The following ZBTB7C variants were observed in gnomAD, a reference collection of about 807,000 sequenced individuals.
ZBTB7C encodes the protein zinc finger and BTB domain-containing protein 7C.
A neutral mutation model predicts 25.7 loss-of-function variants in ZBTB7C; 8 were observed. The observed-to-expected ratio is 0.31, with a 90% CI of 0.18 to 0.56. ZBTB7C has a LOEUF of 0.56. Ranked by LOEUF, ZBTB7C falls within the 20% of genes least tolerant of loss-of-function variation. The pLI is 0.91. For synonymous variants in ZBTB7C, 394 were observed against 369.0 expected (o/e 1.07, Z -0.78); for missense variants, 824 against 855.2 (o/e 0.96, Z 0.46).
intron 3 of ZBTB7C, among the ~76,000 whole-genome samples, chr18:48,110,330 C>CG (rs111272407): frequency 0.048 from 7,338 of 151,802 alleles, 481 homozygotes; most frequent in African/African-American, 0.15. Context: ...GCCCTACCCC[C>CG]CCACCTGGTT....
chr18:48,113,407 A>G (rs986309068), intron 3 of ZBTB7C, among the ~76,000 whole-genome samples: 7 of 152,270 alleles, frequency 4.6e-5, no homozygotes, highest in African/African-American at 1.4e-4. Flanking sequence ...GATGAACTCA[A>G]AAAAGGATAA....
intron 2 of ZBTB7C, among the ~76,000 whole-genome samples, chr18:48,233,086 T>C (rs2043293961): frequency 6.6e-6 from 1 of 152,154 alleles, no homozygotes; most frequent in Non-Finnish European, 1.5e-5. Context: ...ATATTAGAAA[T>C]TTAATTCCCA....
At chr18:48,278,545 C>G (rs570691866) in intron 2 of ZBTB7C, among the ~76,000 whole-genome samples, 2 of 151,998 alleles carry the variant, frequency 1.3e-5, no homozygotes, top group African/African-American at 4.8e-5. Context: ...AAATAATTCT[C>G]CAGCCTCCTG....
intron 2 of ZBTB7C, among the ~76,000 whole-genome samples, chr18:48,282,266 A>G (rs1394929056): frequency 7.4e-6 from 1 of 134,938 alleles, no homozygotes; most frequent in Non-Finnish European, 1.5e-5. Flanking sequence ...AACAATGAGA[A>G]CACATGGACA....
intron 3 of ZBTB7C, among the ~76,000 whole-genome samples, chr18:48,062,272 T>G (rs72918189): frequency 0.19 from 29,375 of 152,150 alleles, 3,025 homozygotes; most frequent in Middle Eastern, 0.27. Flanking sequence ...GGGGAACACC[T>G]TTAAGGGGCT....
intron 3 of ZBTB7C, among the ~76,000 whole-genome samples, chr18:48,105,269 ATGGG>A (rs2038988657): frequency 1.3e-5 from 2 of 152,304 alleles, no homozygotes; most frequent in South Asian, 4.1e-4. Flanking sequence ...TTTCAGGCCC[ATGGG>A]AAGGCAGAGC....
chr18:48,111,838 T>C (rs2039252532), intron 3 of ZBTB7C, among the ~76,000 whole-genome samples: 1 of 152,236 alleles, frequency 6.6e-6, no homozygotes, highest in South Asian at 2.1e-4. Context: ...AAACACAGTT[T>C]TTGGCAGGCA....
At chr18:48,351,520 C>A (rs1268010413) in intron 1 of ZBTB7C, among the ~76,000 whole-genome samples, 1 of 152,160 alleles carries the variant, frequency 6.6e-6, no homozygotes. Context: ...GAGGGCCTCT[C>A]GCCATGGATG....
chr18:48,042,034 G>A (rs2036269049), intron 3 of ZBTB7C, among the ~76,000 whole-genome samples: 1 of 152,216 alleles, frequency 6.6e-6, no homozygotes, highest in Non-Finnish European at 1.5e-5. Context: ...CACGACAGGG[G>A]ACAACTGGCA....
chr18:48,321,995 T>C (rs879637027), intron 2 of ZBTB7C, among the ~76,000 whole-genome samples: 5 of 152,208 alleles, frequency 3.3e-5, no homozygotes, highest in African/African-American at 4.8e-5. Flanking sequence ...GTCCCTATTA[T>C]ATTTTATCTT....
Position 48,029,619 on chromosome 18 carries a change from C to T in ZBTB7C, c.1501G>A (p.Asp501Asn), listed in dbSNP as rs1336180862. 2 of 1,492,760 alleles carry T rather than the reference C, an allele frequency of 1.3e-6. No homozygotes were observed. Among genetic ancestry groups the T allele is most frequent in the Admixed American group, 2.6e-5 (1 of 38,812 alleles). 92.5% of individuals were successfully genotyped at this position (1,492,760 alleles called of 1,614,324 possible). Reference sequence around the variant, plus strand: ...GGGGGCATCACGAAGGCCGCCTTGTCGGGGGCCGGGCCGCCGGGCCCGAAG... The same window carrying T: ...GGGGGCATCACGAAGGCCGCCTTGTTGGGGGCCGGGCCGCCGGGCCCGAAG... Reference protein sequence around the residue: ...LLFGPGGPAPDKAAFVMPPAL... With the variant: ...LLFGPGGPAPNKAAFVMPPAL... Residue 501 changes from aspartate to asparagine, a missense_variant, in exon 5 of 5, where the codon GAC becomes AAC. Transcript: ENST00000590800.
At chr18:48,326,995 G>A (rs1230719206) in intron 2 of ZBTB7C, among the ~76,000 whole-genome samples, 1 of 152,198 alleles carries the variant, frequency 6.6e-6, no homozygotes, top group Non-Finnish European at 1.5e-5. Flanking sequence ...CAGAAAAATG[G>A]ATGCAAATGG....
At chr18:48,198,665 G>A (rs1171491439) in intron 2 of ZBTB7C, among the ~76,000 whole-genome samples, 2 of 152,040 alleles carry the variant, frequency 1.3e-5, no homozygotes, top group Admixed American at 1.3e-4. Flanking sequence ...TCATGTATAA[G>A]GACCCTTATG....
chr18:48,412,261 G>A (rs1179427955), upstream of ZBTB7C, among the ~76,000 whole-genome samples: 1 of 152,184 alleles, frequency 6.6e-6, no homozygotes, highest in African/African-American at 2.4e-5. Flanking sequence ...TCTGAGAATT[G>A]GGATCAAATT....
intron 2 of ZBTB7C, among the ~76,000 whole-genome samples, chr18:48,200,260 TG>T (rs2042409332): frequency 6.6e-6 from 1 of 152,142 alleles, no homozygotes; most frequent in African/African-American, 2.4e-5. Context: ...ATCTCCCACC[TG>T]GTCGTGCCCC....
At position 48,040,637 on chromosome 18, in the gene ZBTB7C, CTCCTCCTCT is replaced by C; in HGVS notation, c.462_470del (p.Glu160_Glu162del). On this transcript the variant is annotated inframe_deletion, in exon 4 of 5. Coordinates refer to ENST00000590800, the MANE Select transcript of ZBTB7C (RefSeq NM_001318841.2). ...CATCGTCATCCTCCTCCTCTTCCTC[CTCCTCCTCT>C]TCGTCCTCCTCATCATCATCATCTT... is the stretch of plus-strand genomic sequence containing the variant. 1 of 1,612,944 alleles carries C rather than the reference CTCCTCCTCT, an allele frequency of 6.2e-7. No homozygotes were observed. Among genetic ancestry groups the C allele is most frequent in the South Asian group, 1.1e-5 (1 of 90,796 alleles).
intron 2 of ZBTB7C, among the ~76,000 whole-genome samples, chr18:48,276,274 C>T (rs1598756432): frequency 7.1e-6 from 1 of 140,210 alleles, no homozygotes; most frequent in African/African-American, 2.6e-5. Flanking sequence ...AGCTTTCTCT[C>T]TTTTTTTTTT....
chr18:48,190,878 C>A (rs560017475), intron 2 of ZBTB7C, among the ~76,000 whole-genome samples: 2 of 152,286 alleles, frequency 1.3e-5, no homozygotes, highest in Non-Finnish European at 2.9e-5. Context: ...ATCTTCCCCC[C>A]ACCACCCAAT....
At chr18:48,108,650 C>A (rs1194746707) in intron 3 of ZBTB7C, among the ~76,000 whole-genome samples, 1 of 152,046 alleles carries the variant, frequency 6.6e-6, no homozygotes, top group Non-Finnish European at 1.5e-5. Context: ...CTTTGTTGCC[C>A]AGGCTGATCT....
Sources: allele counts gnomAD v4.1 joint callset (sites outside exome capture counted in the v4.1 genomes callset), GRCh38; gene constraint gnomAD v4.1.1; transcripts MANE v1.5; gene names NCBI Gene and HGNC (gene_info 2026-07-23, HGNC 2026-07-21).